Variants in FREM1 observed in about 807,000 individuals in gnomAD.
The protein encoded by FREM1 is FRAS1-related extracellular matrix protein 1.
In FREM1, 220 loss-of-function variants were observed where a neutral mutation model predicts 210.1. That is an observed-to-expected ratio of 1.05 (90% CI 0.94 to 1.17). FREM1 has a LOEUF of 1.17. Among genes scored for constraint, FREM1 ranks in the 50% most tolerant of loss-of-function variants. FREM1 has a pLI of 0.00. For synonymous variants in FREM1, 1,189 were observed against 980.2 expected (o/e 1.21, Z -3.98); for missense variants, 3,454 against 2,675.5 (o/e 1.29, Z -6.42).
At chr9:14,894,899 C>T (rs1219483487) in intron 1 of FREM1, among the ~76,000 whole-genome samples, 2 of 152,210 alleles carry the variant, frequency 1.3e-5, no homozygotes, top group Admixed American at 1.3e-4. Context: ...AAGGCTTTGA[C>T]TGGAATGGTG....
At chr9:14,815,155 C>T (rs1215376053) in intron 15 of FREM1, among the ~76,000 whole-genome samples, 1 of 152,092 alleles carries the variant, frequency 6.6e-6, no homozygotes, top group Non-Finnish European at 1.5e-5. Context: ...GAACTACTGG[C>T]CAGTATGATC....
chr9:14,792,609 A>G (rs1323256096), intron 22 of FREM1, 134 bp downstream of exon 22: 1 of 600,580 alleles, frequency 1.7e-6, no homozygotes. Context: ...ACCCTGAACT[A>G]GTAAAATTAA....
intron 5 of FREM1, among the ~76,000 whole-genome samples, chr9:14,856,677 C>CA (rs1386796374): frequency 6.6e-6 from 1 of 151,686 alleles, no homozygotes; most frequent in African/African-American, 2.4e-5. Context: ...ACTAAAAATA[C>CA]AAAAAATTGG....
At chr9:14,778,381 C>G (rs965000419) in intron 24 of FREM1, among the ~76,000 whole-genome samples, 2 of 151,350 alleles carry the variant, frequency 1.3e-5, no homozygotes, top group Non-Finnish European at 2.9e-5. Context: ...CTGGCCAAGG[C>G]GGGCAGATGG....
At chr9:14,839,543 C>T (rs1286115430) in intron 10 of FREM1, among the ~76,000 whole-genome samples, 1 of 152,130 alleles carries the variant, frequency 6.6e-6, no homozygotes, top group Non-Finnish European at 1.5e-5. Flanking sequence ...CAGAGAAAAA[C>T]ATGATAAGCA....
chr9:14,779,172 T>C (rs536072303), intron 24 of FREM1, among the ~76,000 whole-genome samples: 1 of 152,078 alleles, frequency 6.6e-6, no homozygotes, highest in African/African-American at 2.4e-5. Context: ...TTTCCCATTT[T>C]CCCCCTCCAG....
intron 1 of FREM1, among the ~76,000 whole-genome samples, chr9:14,884,874 A>G (rs1368557593): frequency 7.4e-6 from 1 of 136,028 alleles, no homozygotes; most frequent in East Asian, 2.3e-4. Context: ...TCCCCCTCCT[A>G]TGCCCAGCAT....
chr9:14,826,187 G>A (rs1822425513), intron 10 of FREM1, among the ~76,000 whole-genome samples: 1 of 148,540 alleles, frequency 6.7e-6, no homozygotes. Context: ...CCACTCCCAG[G>A]TTCACACCAT....
chr9:14,866,174 G>C (rs7848267), intron 2 of FREM1, among the ~76,000 whole-genome samples: 11,133 of 152,128 alleles, frequency 0.073, 1,220 homozygotes, highest in African/African-American at 0.24. Context: ...GCAATTTGTG[G>C]TTTCTCCTCT....
intron 5 of FREM1, among the ~76,000 whole-genome samples, chr9:14,852,518 T>C (rs1381444808): frequency 6.6e-6 from 1 of 151,974 alleles, no homozygotes; most frequent in Non-Finnish European, 1.5e-5. Flanking sequence ...CGAGACCCTA[T>C]CTCTACAAAA....
rs1481585206 is a variant in FREM1, at chr9:14,784,616, G to T, written c.4196C>A (p.Thr1399Lys). The change falls in exon 24 of 37, where the codon ACA becomes AAA. Residue 1399 changes from threonine to lysine, a missense_variant. Coordinates refer to ENST00000380880, the MANE Select transcript of FREM1 (RefSeq NM_001379081.2). ...ACCTTTAGACACCACGAGTGGTTTT[G>T]TAAGGATGACAATATCACCTACATG... is the stretch of plus-strand genomic sequence containing the variant. ...DMEKGDIVIL[T>K]KPLVVSKGDR... 4 of 1,586,174 alleles carry T rather than the reference G, an allele frequency of 2.5e-6. No individual in the cohort carries two copies. Among genetic ancestry groups the T allele is most frequent in the African/African-American group, 2.7e-5 (2 of 74,474 alleles).
chr9:14,823,078 G>A, intron 13 of FREM1, 82 bp downstream of exon 13: 1 of 1,064,506 alleles, frequency 9.4e-7, no homozygotes, highest in African/African-American at 1.6e-5. Context: ...TAGCCTAAAG[G>A]AAAGTTACCA....
chr9:14,785,461 AT>A (rs1462272909), intron 23 of FREM1, among the ~76,000 whole-genome samples: 2 of 152,316 alleles, frequency 1.3e-5, no homozygotes, highest in African/African-American at 4.8e-5. Context: ...TTCATGATAT[AT>A]TTTTTAAATG....
chr9:14,854,755 T>C (rs1292809453), intron 5 of FREM1, among the ~76,000 whole-genome samples: 1 of 152,044 alleles, frequency 6.6e-6, no homozygotes, highest in Non-Finnish European at 1.5e-5. Context: ...AAATAGCTTT[T>C]CTGTTTATCA....
chr9:14,836,904 G>T lies in FREM1; in HGVS notation c.1881+4543C>A, dbSNP rs1164015502. Among the ~76,000 whole-genome samples, 2 of 152,160 alleles carry T rather than the reference G, an allele frequency of 1.3e-5. No individual in the cohort carries two copies. The highest frequency in any genetic ancestry group is 2.9e-5 in the Non-Finnish European group (2 of 68,028). On this transcript the variant is annotated intron_variant, in intron 10 of 36. Coordinates refer to ENST00000380880, the MANE Select transcript of FREM1 (RefSeq NM_001379081.2). The surrounding 1 kb of genome is among the most constrained non-coding windows in gnomAD (Gnocchi z 4.9). Reference sequence around the variant, plus strand: ...ATGTGGTAGGAGTTATTAAGAAAAAGAAATTATTTTATGCAGATAGAGAGG... The same window carrying T: ...ATGTGGTAGGAGTTATTAAGAAAAATAAATTATTTTATGCAGATAGAGAGG...
At chr9:14,862,475 G>A (rs986643317) in intron 3 of FREM1, among the ~76,000 whole-genome samples, 3 of 152,134 alleles carry the variant, frequency 2.0e-5, no homozygotes, top group Non-Finnish European at 4.4e-5. Flanking sequence ...TACCATAATC[G>A]TGAGCTTAAA....
chr9:14,860,600 T>TACACATATATAC (rs1390246858), intron 3 of FREM1, among the ~76,000 whole-genome samples: 1 of 95,348 alleles, frequency 1.0e-5, no homozygotes, highest in Non-Finnish European at 1.9e-5. Context: ...TATACATATA[T>TACACATATATAC]ACACATATAT....
At chr9:14,880,228 G>A (rs777019876) in intron 1 of FREM1, among the ~76,000 whole-genome samples, 20 of 152,022 alleles carry the variant, frequency 1.3e-4, no homozygotes, top group Non-Finnish European at 2.1e-4. Context: ...CCCTGTCTAC[G>A]GTATTTCTGT....
At chr9:14,845,305 T>C (rs140286079) in intron 8 of FREM1, among the ~76,000 whole-genome samples, 47 of 152,314 alleles carry the variant, frequency 3.1e-4, no homozygotes, top group Admixed American at 1.8e-3. Context: ...ATTTTTCTTT[T>C]TCTTTTTTCT....
Sources: allele counts gnomAD v4.1 joint callset (sites outside exome capture counted in the v4.1 genomes callset), GRCh38; gene constraint gnomAD v4.1.1; non-coding constraint Gnocchi (gnomAD v3.1); transcripts MANE v1.5; gene names NCBI Gene and HGNC (gene_info 2026-07-23, HGNC 2026-07-21).